Variants in TBC1D21 observed in about 807,000 individuals in gnomAD.
TBC1D21 encodes the protein male germ cell Rab GTPase-activating protein.
Under a neutral mutation model 46.0 loss-of-function variants are expected in TBC1D21, and 38 were observed. The observed-to-expected ratio is 0.83, with a 90% CI of 0.64 to 1.08. The LOEUF (loss-of-function observed/expected upper bound fraction) is 1.08. Ranked by LOEUF, TBC1D21 falls within the 50% of genes least tolerant of loss-of-function variation. The pLI, the probability that TBC1D21 is intolerant of heterozygous loss-of-function variation, is 0.00. For missense variants in TBC1D21, 415 were observed against 417.9 expected (o/e 0.99, Z 0.06); for synonymous variants, 151 against 157.2 (o/e 0.96, Z 0.29).
At chr15:73,894,035 C>T (rs534435328), downstream of TBC1D21, among the ~76,000 whole-genome samples, 14 of 152,344 alleles carry the variant, frequency 9.2e-5, no homozygotes, top group Non-Finnish European at 1.5e-4. Flanking sequence ...TGACTGAATT[C>T]AAACTCAGAA....
chr15:73,903,935 C>T, the TBC1D21 span, among the ~76,000 whole-genome samples: 35 of 152,254 alleles, frequency 2.3e-4, no homozygotes, highest in African/African-American at 8.4e-4. Context: ...GTAGTCCTAG[C>T]TACACAAGAG....
chr15:73,894,671 G>C, the TBC1D21 span, among the ~76,000 whole-genome samples: 1 of 152,180 alleles, frequency 6.6e-6, no homozygotes, highest in African/African-American at 2.4e-5. Flanking sequence ...GTTGTGAGGG[G>C]AGAGGCGCGC....
rs150867911 is a variant in TBC1D21, at chr15:73,885,538, C to T, written c.579+435C>T. ...TGAATTCCAGGCACACCAGGGGACTCAATAGTCCCCAGGGGCTCCCTCACT... is the reference window on the plus strand; with the variant it reads ...TGAATTCCAGGCACACCAGGGGACTTAATAGTCCCCAGGGGCTCCCTCACT... On this transcript the variant is annotated intron_variant, in intron 6 of 10. Transcript: ENST00000300504. Among the ~76,000 whole-genome samples the T allele has an allele frequency of 4.1e-3, 625 of 152,160 alleles. 1 individual carries two copies. The highest frequency in any genetic ancestry group is 0.015 in the African/African-American group (604 of 41,514).
downstream of TBC1D21, among the ~76,000 whole-genome samples, chr15:73,892,089 A>C (rs1406669090): frequency 6.6e-6 from 1 of 152,118 alleles, no homozygotes; most frequent in African/African-American, 2.4e-5. Context: ...ACAAATCAGC[A>C]TGCACTTCCT....
chr15:73,888,996 C>T (rs995031503), intron 10 of TBC1D21, 73 bp from the exon 11 acceptor site: 43 of 1,574,078 alleles, frequency 2.7e-5, no homozygotes, highest in African/African-American at 6.7e-5. Flanking sequence ...AGGAGAATGT[C>T]GCTGCTTAGA....
chr15:73,881,547 G>A (rs2068154836), intron 2 of TBC1D21, 41 bp downstream of exon 2: 2 of 1,605,702 alleles, frequency 1.2e-6, no homozygotes, highest in African/African-American at 1.3e-5. Flanking sequence ...CTGGAACTGG[G>A]AGCATGGATG....
downstream of TBC1D21, among the ~76,000 whole-genome samples, chr15:73,890,158 C>T (rs1757575167): frequency 1.3e-5 from 2 of 152,170 alleles, no homozygotes; most frequent in South Asian, 2.1e-4. Flanking sequence ...CATGGCCATC[C>T]CTCTCACTCT....
intron 6 of TBC1D21, 144 bp from the exon 7 acceptor site, chr15:73,885,934 C>T: frequency 1.5e-6 from 1 of 648,188 alleles, no homozygotes; most frequent in Non-Finnish European, 2.8e-6. Flanking sequence ...CTCACACACA[C>T]ACACTCAGAC....
At chr15:73,881,802 C>G in intron 3 of TBC1D21, 55 bp downstream of exon 3, 1 of 1,502,512 alleles carries the variant, frequency 6.7e-7, no homozygotes, top group Non-Finnish European at 9.2e-7. Context: ...GTGGCAGGTG[C>G]TGCCTCCCCA....
At chr15:73,886,693 C>T (rs2068253379) in intron 8 of TBC1D21, 81 bp downstream of exon 8, 9 of 1,311,970 alleles carry the variant, frequency 6.9e-6, no homozygotes, top group South Asian at 3.6e-5. Context: ...CTTGCCTCCC[C>T]CTTTCTTCCT....
chr15:73,907,654 C>T, the TBC1D21 span, among the ~76,000 whole-genome samples: 5 of 152,320 alleles, frequency 3.3e-5, no homozygotes, highest in East Asian at 9.6e-4. Context: ...CTCTTCCATC[C>T]ATCCTCACTC....
chr15:73,905,288 C>T, the TBC1D21 span, among the ~76,000 whole-genome samples: 1 of 152,208 alleles, frequency 6.6e-6, no homozygotes, highest in African/African-American at 2.4e-5. Context: ...ACATGACACG[C>T]AACTTTAAAT....
chr15:73,902,589 C>T, the TBC1D21 span, among the ~76,000 whole-genome samples: 1 of 152,212 alleles, frequency 6.6e-6, no homozygotes, highest in Non-Finnish European at 1.5e-5. Flanking sequence ...GATGGTGGCA[C>T]CACTGGTGCC....
At chr15:73,905,675 A>G in the TBC1D21 span, among the ~76,000 whole-genome samples, 1 of 152,336 alleles carries the variant, frequency 6.6e-6, no homozygotes, top group East Asian at 1.9e-4. Context: ...TTCTTTAAAG[A>G]GCCACCACTG....
At chr15:73,886,264 G>C (rs2278864) in intron 7 of TBC1D21, 90 bp downstream of exon 7, 51 of 1,161,992 alleles carry the variant, frequency 4.4e-5, no homozygotes, top group Non-Finnish European at 5.0e-5. Context: ...ATCATGGGGG[G>C]GCTGGAGAGC....
chr15:73,900,239 C>T, the TBC1D21 span, among the ~76,000 whole-genome samples: 1 of 152,178 alleles, frequency 6.6e-6, no homozygotes, highest in African/African-American at 2.4e-5. Flanking sequence ...GAGAATGAAA[C>T]AAGACAGGCC....
In TBC1D21 at chr15:73,884,302, C is replaced by T. The variant is rs2068204800; in HGVS notation, c.367+57C>T. ...GAGGGAGGGCTTGAAGCCAACCCTGCCCCCTTCTCAGCCACTTCCAGGGAG... is the reference window on the plus strand; with the variant it reads ...GAGGGAGGGCTTGAAGCCAACCCTGTCCCCTTCTCAGCCACTTCCAGGGAG... On this transcript the variant is annotated intron_variant, in intron 4 of 10. Coordinates refer to ENST00000300504, the MANE Select transcript of TBC1D21 (RefSeq NM_153356.3). 7 of 1,487,436 alleles carry T rather than the reference C, an allele frequency of 4.7e-6. No individual in the cohort carries two copies. The Admixed American group carries it at 8.4e-5, about 18-fold the overall frequency. The allele number at this position is 1,487,436 out of a possible 1,614,324, so 92.1% of individuals were successfully genotyped here. A position where few individuals can be genotyped will look rare whatever the true frequency, so the allele number is the denominator to read the frequency against.
rs143118067 is a variant in TBC1D21 at position 73,889,069 on chromosome 15, G to A, written c.979G>A (p.Val327Ile). 10 of 1,613,398 alleles carry A rather than the reference G, an allele frequency of 6.2e-6. No homozygotes were observed. The highest frequency in any genetic ancestry group is 1.3e-5 in the African/African-American group (1 of 74,902). ...VVYAELIQKD[V>I]PQTLKDFFL ...CACCTCCCACCTGCCTCCTCCCTAG[G>A]TTCCTCAGACATTAAAGGATTTCTT... The change falls in exon 11 of 11, where the codon GTT (valine) becomes ATT (isoleucine). Residue 327 changes from valine (V) to isoleucine (I), a missense_variant and splice_region_variant. Val to Ile is a conservative substitution (Grantham distance 29). Transcript: ENST00000300504.
intron 1 of TBC1D21, among the ~76,000 whole-genome samples, chr15:73,874,443 C>T (rs900689590): frequency 3.3e-5 from 5 of 152,154 alleles, no homozygotes; most frequent in African/African-American, 1.2e-4. Flanking sequence ...TTATTATGTA[C>T]GATGAATGTT....
Sources: allele counts gnomAD v4.1 joint callset (sites outside exome capture counted in the v4.1 genomes callset), GRCh38; gene constraint gnomAD v4.1.1; transcripts MANE v1.5; gene names NCBI Gene and HGNC (gene_info 2026-07-23, HGNC 2026-07-21).